DYRK3: variants seen among roughly 807,000 people sequenced by gnomAD.
DYRK3 encodes the protein dual specificity tyrosine phosphorylation regulated kinase 3.
DYRK3 carries 30 observed loss-of-function variants against 40.8 expected under a neutral mutation model. The observed-to-expected ratio is 0.74, with a 90% CI of 0.55 to 1.00. The LOEUF is 1.00. DYRK3 is among the 50% of genes least tolerant of loss of function. The pLI, the probability that DYRK3 is intolerant of heterozygous loss-of-function variation, is 0.00. For synonymous variants in DYRK3, 272 were observed against 260.7 expected, an observed-to-expected ratio of 1.04 and a Z score of -0.42; for missense variants, 699 against 731.5, an observed-to-expected ratio of 0.96 and a Z score of 0.51.
Position 206,647,519 on chromosome 1 carries a change from C to T in DYRK3, c.321C>T (p.Asp107=), listed in dbSNP as rs782160497. 1.2e-6 allele frequency: 2 copies of T among 1,614,022 alleles called. No homozygotes were observed. The highest frequency in any genetic ancestry group is 2.2e-5 in the East Asian group (1 of 44,898). Residue 107 remains aspartate (D), a synonymous_variant, in exon 3 of 3, where the codon GAC becomes GAT. Coordinates refer to ENST00000367109, the MANE Select transcript of DYRK3 (RefSeq NM_003582.4). ...SNTIQSDGIS[D]SEKCSPTVSQ... ...CTATTCAGTCAGATGGCATCAGTGA[C>T]TCTGAAAAATGCTCTCCTACTGTTT...
intron 1 of DYRK3, 89 bp from the exon 2 acceptor site, chr1:206,637,561 G>C: frequency 1.2e-6 from 1 of 839,472 alleles, no homozygotes; most frequent in Non-Finnish European, 1.9e-6. Flanking sequence ...TTCTATTACT[G>C]TTCCTTGTAG....
rs1316733995 is a variant in DYRK3, at chr1:206,636,022, C to G, written c.77+242C>G. ...GGAGTTAGAGCAAGAAGAATTTCCA[C>G]CCCTGGATTCCCTCTGAAACCCTAG... On this transcript the variant is annotated intron_variant, in intron 1 of 2. Coordinates refer to ENST00000367109, the MANE Select transcript of DYRK3 (RefSeq NM_003582.4). The G allele has an allele frequency of 9.0e-6, 13 of 1,441,100 alleles. No individual in the cohort carries two copies. In the Admixed American group the frequency reaches 2.3e-4, roughly 25 times the overall value. The allele number at this position is 1,441,100 out of a possible 1,614,324, so 89.3% of individuals were successfully genotyped here.
At chr1:206,639,267 G>A (rs1352392932) in intron 2 of DYRK3, among the ~76,000 whole-genome samples, 1 of 152,054 alleles carries the variant, frequency 6.6e-6, no homozygotes, top group Non-Finnish European at 1.5e-5. Flanking sequence ...CCCCTTTTTG[G>A]AGTGTAGTGG....
rs1490862269 is a variant in DYRK3, at chr1:206,635,752, G to A, written c.49G>A (p.Gly17Arg). 5 of 1,245,030 alleles carry A rather than the reference G, an allele frequency of 4.0e-6. No homozygotes were observed. Among genetic ancestry groups the A allele is most frequent in the Non-Finnish European group, 5.1e-6 (5 of 989,028 alleles). The allele number at this position is 1,245,030 out of a possible 1,614,324, so 77.1% of individuals were successfully genotyped here. A position where few individuals can be genotyped will look rare whatever the true frequency, so the allele number is the denominator to read the frequency against. ...TGGGCGGAAGGATGCGGGGCCGCCT[G>A]GGGCCGGGCTCCCGCCCCAGCAGCG... is the stretch of plus-strand genomic sequence containing the variant. ...GPGRKDAGPPGAGLPPQQRRL... is the reference protein window; with the variant it reads ...GPGRKDAGPPRAGLPPQQRRL... The change falls in exon 1 of 3, where the codon GGG (glycine) becomes AGG (arginine). Residue 17 changes from glycine to arginine, a missense_variant. Transcript: ENST00000367109.
At chr1:206,646,724 G>A (rs1671466172) in intron 2 of DYRK3, among the ~76,000 whole-genome samples, 1 of 152,186 alleles carries the variant, frequency 6.6e-6, no homozygotes, top group Admixed American at 6.5e-5. Flanking sequence ...GGGAGAACCT[G>A]GTGCTGAGTT....
In DYRK3 at chr1:206,651,236, A is replaced by C. The variant is rs139799576; in HGVS notation, c.*2271A>C. Among the ~76,000 whole-genome samples, 1 of 152,210 alleles carries C rather than the reference A, an allele frequency of 6.6e-6. No individual in the cohort carries two copies. The highest frequency in any genetic ancestry group is 1.5e-5 in the Non-Finnish European group (1 of 68,042). The stretch of plus-strand genomic sequence containing the variant: ...TCAAGGGAGGTCTTGAAACTGCCTC[A>C]TCTACCTCATGATCTGCTAGTCGAG... On this transcript the variant is annotated 3_prime_UTR_variant, in exon 3 of 3. Transcript: ENST00000367109.
intron 2 of DYRK3, among the ~76,000 whole-genome samples, chr1:206,646,282 A>G (rs1553420104): frequency 6.6e-6 from 1 of 152,190 alleles, no homozygotes; most frequent in East Asian, 1.9e-4. Context: ...TAATTAATTA[A>G]TATTAATTTT....
In DYRK3 at chr1:206,642,313, G is replaced by A. The variant is rs1210136750; in HGVS notation, c.189+4552G>A. ...GGAGAGGATGTGGAGAAATAGGAAC[G>A]CTTTTACACTGTTGGTGGGACTGTA... On this transcript the variant is annotated intron_variant, in intron 2 of 2. Coordinates refer to ENST00000367109, the MANE Select transcript of DYRK3 (RefSeq NM_003582.4). 5.3e-5 allele frequency among the ~76,000 whole-genome samples: 8 copies of A among 150,878 alleles called. 1 individual carries two copies. The highest frequency in any genetic ancestry group is 1.5e-4 in the African/African-American group (6 of 40,592).
Position 206,648,930 on chromosome 1 carries a change from C to T in DYRK3, c.1732C>T (p.Pro578Ser), listed in dbSNP as rs1553420916. ...NLMSETNGSI[P>S]LCSVLPKLIS ...AATGTCAGAAACCAATGGTAGTATA[C>T]CCCTATGCAGTGTATTGCCAAAACT... is the stretch of plus-strand genomic sequence containing the variant. Residue 578 changes from proline (P) to serine (S), a missense_variant, in exon 3 of 3, where the codon CCC becomes TCC. By Grantham distance (74) the Pro-to-Ser change is moderately conservative. Transcript: ENST00000367109. The T allele has an allele frequency of 1.2e-6, 2 of 1,613,930 alleles. No individual in the cohort carries two copies. The highest frequency in any genetic ancestry group is 1.7e-6 in the Non-Finnish European group (2 of 1,179,978).
Position 206,647,780 on chromosome 1 carries a change from TG to T in DYRK3, c.586del (p.Ala196ProfsTer10), listed in dbSNP as rs1553420394. 6.2e-7 allele frequency: 1 copy of T among 1,614,104 alleles called. No homozygotes were observed. Among genetic ancestry groups the T allele is most frequent in the Admixed American group, 1.7e-5 (1 of 60,024 alleles). On this transcript the variant is annotated frameshift_variant, in exon 3 of 3. Transcript: ENST00000367109. LOFTEE classifies it high-confidence loss of function. The stretch of plus-strand genomic sequence containing the variant: ...ATAATGGAGGGTATGATGATGCAGA[TG>T]GGGCCTATATTCATGTACCTCGAGA... ...PNNGGYDDAD[G>X]AYIHVPRDHL...
rs1398502946 is a variant in DYRK3 at position 206,651,997 on chromosome 1, G to C, written c.*3032G>C. 6.6e-6 allele frequency among the ~76,000 whole-genome samples: 1 copy of C among 152,198 alleles called. No homozygotes were observed. Among genetic ancestry groups the C allele is most frequent in the Non-Finnish European group, 1.5e-5 (1 of 68,038 alleles). On this transcript the variant is annotated 3_prime_UTR_variant, in exon 3 of 3. Transcript: ENST00000367109. ...TACCACATCATAGAGTTGGTTAAATGTAGCCAGCAGCAGTGTCAAGACAGC... is the reference window on the plus strand; with the variant it reads ...TACCACATCATAGAGTTGGTTAAATCTAGCCAGCAGCAGTGTCAAGACAGC...
Position 206,648,096 on chromosome 1 carries a change from A to G in DYRK3, c.898A>G (p.Lys300Glu), listed in dbSNP as rs199522696. 18 of 1,613,730 alleles carry G rather than the reference A, an allele frequency of 1.1e-5. No homozygotes were observed. Among genetic ancestry groups the G allele is most frequent in the Non-Finnish European group, 1.5e-5 (18 of 1,179,930 alleles). Residue 300 changes from lysine (K) to glutamate (E), a missense_variant, in exon 3 of 3, where the codon AAA becomes GAA. By Grantham distance (56) the Lys-to-Glu change is moderately conservative. Coordinates refer to ENST00000367109, the MANE Select transcript of DYRK3 (RefSeq NM_003582.4). Reference sequence around the variant, plus strand: ...GAGCATAGACCTTTATGAGCTGATTAAAAAAAATAAGTTTCAGGGTTTTAG... The same window carrying G: ...GAGCATAGACCTTTATGAGCTGATTGAAAAAAATAAGTTTCAGGGTTTTAG... ...LLSIDLYELI[K>E]KNKFQGFSVQ...
At chr1:206,647,256 C>T in intron 2 of DYRK3, 132 bp from the exon 3 acceptor site, 1 of 923,650 alleles carries the variant, frequency 1.1e-6, no homozygotes, top group Non-Finnish European at 1.6e-6. Context: ...CTTTTCTTAT[C>T]TTCTTTTTGG....
chr1:206,635,916 C>G, intron 1 of DYRK3, 136 bp downstream of exon 1: 1 of 1,297,864 alleles, frequency 7.7e-7, no homozygotes, highest in Non-Finnish European at 9.8e-7. Context: ...ACTGCCTCCC[C>G]GGGACCGCCC....
chr1:206,643,716 T>C (rs1553419670), intron 2 of DYRK3, among the ~76,000 whole-genome samples: 1 of 152,118 alleles, frequency 6.6e-6, no homozygotes, highest in African/African-American at 2.4e-5. Flanking sequence ...GAAGGCCTAT[T>C]GTGGGGGCCC....
rs1198637317 is a variant in DYRK3 at position 206,653,136 on chromosome 1, A to G, written c.*4171A>G. Among the ~76,000 whole-genome samples the G allele has an allele frequency of 1.3e-5, 2 of 151,884 alleles. No individual in the cohort carries two copies. The highest frequency in any genetic ancestry group is 4.8e-5 in the African/African-American group (2 of 41,314). ...AGGCTCAGGTGATTCTCCCATCTCAACCTCCAGAGTAACTGGGACTACAGT... is the reference window on the plus strand; with the variant it reads ...AGGCTCAGGTGATTCTCCCATCTCAGCCTCCAGAGTAACTGGGACTACAGT... On this transcript the variant is annotated 3_prime_UTR_variant, in exon 3 of 3. Transcript: ENST00000367109.
At chr1:206,644,031 C>CTTTTTGCTTTTTTTTTTT (rs1553419729) in intron 2 of DYRK3, among the ~76,000 whole-genome samples, 1 of 101,050 alleles carries the variant, frequency 9.9e-6, no homozygotes, top group Non-Finnish European at 1.9e-5. Context: ...GGACCTACAG[C>CTTTTTGCTTTTTTTTTTT]TTTTTTTTTT....
At chr1:206,640,301 C>G (rs1163214237) in intron 2 of DYRK3, among the ~76,000 whole-genome samples, 2 of 152,124 alleles carry the variant, frequency 1.3e-5, no homozygotes, top group African/African-American at 4.8e-5. Context: ...CTTGGTGCCA[C>G]TTACATTTCA....
chr1:206,638,721 A>C (rs1259382943), intron 2 of DYRK3, among the ~76,000 whole-genome samples: 1 of 152,028 alleles, frequency 6.6e-6, no homozygotes, highest in Non-Finnish European at 1.5e-5. Context: ...TCATCAGATG[A>C]ACAAACTGAA....
Sources: allele counts gnomAD v4.1 joint callset (sites outside exome capture counted in the v4.1 genomes callset), GRCh38; gene constraint gnomAD v4.1.1; transcripts MANE v1.5; gene names NCBI Gene and HGNC (gene_info 2026-07-23, HGNC 2026-07-21).